The following IL1RAPL2 variants were observed in gnomAD, a reference collection of about 807,000 sequenced individuals.
The protein encoded by IL1RAPL2 is X-linked interleukin-1 receptor accessory protein-like 2.
IL1RAPL2 carries 3 observed loss-of-function variants against 44.1 expected under a neutral mutation model. The observed-to-expected ratio is 0.07, with a 90% CI of 0.03 to 0.18. IL1RAPL2 has a LOEUF of 0.18. Among genes scored for constraint, IL1RAPL2 ranks in the 10% least tolerant of loss-of-function variants. The probability of loss-of-function intolerance (pLI) is 1.00; values close to 1 mark genes in which losing one functional copy is unlikely to be tolerated. For missense variants in IL1RAPL2, 391 were observed against 496.4 expected (o/e 0.79, Z 2.02); for synonymous variants, 181 against 178.8 (o/e 1.01, Z -0.10).
At chrX:104,940,928 C>T (rs1295410289) in intron 2 of IL1RAPL2, among the ~76,000 whole-genome samples, 1 of 97,626 alleles carries the variant, frequency 1.0e-5, no homozygotes, top group African/African-American at 3.8e-5. Flanking sequence ...ACCCTGTGTC[C>T]AAGTGTTCTC....
At position 104,800,885 on chromosome X, in the gene IL1RAPL2, G is replaced by C. The variant is rs527259078; in HGVS notation, c.82+141890G>C. Among the ~76,000 whole-genome samples the C allele has an allele frequency of 2.8e-4, 31 of 112,337 alleles. No homozygotes were observed. In the Middle Eastern group the frequency reaches 0.019, roughly 67 times the overall value. ...TGTGGAGGGCTGGCTGCTGTAGTGG[G>C]GGCAATCTGAGAAACCCAGGGCCAG... On this transcript the variant is annotated intron_variant, in intron 2 of 10. Transcript: ENST00000372582.
chrX:105,442,341 G>C (rs2035926344), intron 5 of IL1RAPL2, among the ~76,000 whole-genome samples: 2 of 111,229 alleles, frequency 1.8e-5, no homozygotes, highest in African/African-American at 6.5e-5. Context: ...TGGGATTACA[G>C]GTGTGAGCCA....
chrX:105,146,670 CT>C (rs774400726), intron 2 of IL1RAPL2, among the ~76,000 whole-genome samples: 18 of 111,293 alleles, frequency 1.6e-4, no homozygotes, highest in Non-Finnish European at 3.2e-4. Context: ...ATCTGTCCCC[CT>C]GGTGCAGCAA....
chrX:105,128,181 T>G (rs1307233757), intron 2 of IL1RAPL2, among the ~76,000 whole-genome samples: 1 of 110,742 alleles, frequency 9.0e-6, no homozygotes, highest in Non-Finnish European at 1.9e-5. Context: ...CTGGGCTTCT[T>G]CCTGCCAGGT....
rs968515594 is a variant in IL1RAPL2 at position 105,733,413 on chromosome X, T to A, written c.903-7133T>A. The stretch of plus-strand genomic sequence containing the variant: ...CCTTGATTTGTAGTTTGGTGTCTGT[T>A]AATAATTTTAGAAAATTTTCCAAGC... On this transcript the variant is annotated intron_variant, in intron 7 of 10. Transcript: ENST00000372582. 8.1e-5 allele frequency among the ~76,000 whole-genome samples: 9 copies of A among 111,444 alleles called. No homozygotes were observed. In the Admixed American group the frequency reaches 8.6e-4, roughly 11 times the overall value.
At chrX:105,490,979 C>T (rs1195934537) in intron 6 of IL1RAPL2, among the ~76,000 whole-genome samples, 2 of 112,067 alleles carry the variant, frequency 1.8e-5, no homozygotes, top group East Asian at 5.6e-4. Context: ...CTAGATTTAT[C>T]TGAAAATAAT....
chrX:105,324,958 T>C (rs991927388), intron 5 of IL1RAPL2, among the ~76,000 whole-genome samples: 1 of 112,130 alleles, frequency 8.9e-6, no homozygotes, highest in Admixed American at 9.5e-5. Flanking sequence ...ATAAGTAAAT[T>C]ATGGGAAAAT....
Position 105,248,876 on chromosome X carries a change from C to A in IL1RAPL2, c.543+14872C>A, listed in dbSNP as rs183955198. 4.5e-5 allele frequency among the ~76,000 whole-genome samples: 5 copies of A among 111,288 alleles called. No homozygotes were observed. The East Asian group carries it at 1.4e-3, about 32-fold the overall frequency. ...TACTGAGGATTCGAAGAAAAGGGAA[C>A]CCTTGTACACTGTTGGTAGGAATGT... On this transcript the variant is annotated intron_variant, in intron 4 of 10. Coordinates refer to ENST00000372582, the MANE Select transcript of IL1RAPL2 (RefSeq NM_017416.2).
chrX:105,377,835 C>G (rs922077716), intron 5 of IL1RAPL2, among the ~76,000 whole-genome samples: 15 of 111,455 alleles, frequency 1.3e-4, no homozygotes, highest in African/African-American at 3.9e-4. Context: ...TGAAGAATAC[C>G]ACACTTGGAA....
intron 2 of IL1RAPL2, among the ~76,000 whole-genome samples, chrX:104,839,601 TA>T (rs1307862627): frequency 8.9e-6 from 1 of 112,163 alleles, no homozygotes; most frequent in South Asian, 3.7e-4. Context: ...GCTGGCCTCA[TA>T]AAATGAGTTA....
chrX:104,919,993 G>T (rs1056002173), intron 2 of IL1RAPL2, among the ~76,000 whole-genome samples: 2 of 111,056 alleles, frequency 1.8e-5, no homozygotes, highest in Non-Finnish European at 3.8e-5. Context: ...GGCATAAGAG[G>T]CCATTGGACT....
chrX:104,988,035 G>C (rs748319161), intron 2 of IL1RAPL2, among the ~76,000 whole-genome samples: 2 of 112,230 alleles, frequency 1.8e-5, no homozygotes, highest in East Asian at 5.6e-4. Context: ...TGCTCTTAAA[G>C]GTTTGGGAAA....
intron 5 of IL1RAPL2, among the ~76,000 whole-genome samples, chrX:105,445,422 C>A (rs1355766718): frequency 9.0e-6 from 1 of 110,765 alleles, no homozygotes. Context: ...TTTATTATTT[C>A]TTTTCCTCTA....
At chrX:104,601,395 C>T (rs773909220) in intron 1 of IL1RAPL2, among the ~76,000 whole-genome samples, 27 of 109,454 alleles carry the variant, frequency 2.5e-4, no homozygotes, top group African/African-American at 4.7e-4. Context: ...TTTGTCCTTG[C>T]GATAGTTTGC....
At chrX:104,904,282 G>A (rs989754679) in intron 2 of IL1RAPL2, among the ~76,000 whole-genome samples, 6 of 109,220 alleles carry the variant, frequency 5.5e-5, no homozygotes, top group African/African-American at 2.0e-4. Context: ...TACATATGTA[G>A]TTTTCTTTTT....
chrX:104,694,647 TA>T (rs1029171755), intron 2 of IL1RAPL2, among the ~76,000 whole-genome samples: 38 of 111,388 alleles, frequency 3.4e-4, no homozygotes, highest in South Asian at 7.8e-4. Flanking sequence ...TCTTTGATTC[TA>T]AAAGTAGGGA....
chrX:104,891,728 T>C (rs1923446999), intron 2 of IL1RAPL2, among the ~76,000 whole-genome samples: 1 of 111,961 alleles, frequency 8.9e-6, no homozygotes, highest in Non-Finnish European at 1.9e-5. Context: ...TATACAATCA[T>C]ATCATCTGCA....
chrX:105,304,326 G>A (rs921079964), intron 5 of IL1RAPL2, among the ~76,000 whole-genome samples: 2 of 112,736 alleles, frequency 1.8e-5, no homozygotes, highest in Admixed American at 1.9e-4. Flanking sequence ...CTTGGAGTAA[G>A]CCAAAGTGTG....
At position 105,608,124 on chromosome X, in the gene IL1RAPL2, T is replaced by C. The variant is rs1056101894; in HGVS notation, c.773-109243T>C. 5.4e-5 allele frequency among the ~76,000 whole-genome samples: 6 copies of C among 111,313 alleles called. No homozygotes were observed. The Admixed American group carries it at 5.7e-4, about 11-fold the overall frequency. Reference sequence around the variant, plus strand: ...ATTCATGGGTTCAGGAGGAGAAACCTCTTATATGTTTATTTAATTTATATT... The same window carrying C: ...ATTCATGGGTTCAGGAGGAGAAACCCCTTATATGTTTATTTAATTTATATT... On this transcript the variant is annotated intron_variant, in intron 6 of 10. Transcript: ENST00000372582.
Sources: allele counts gnomAD v4.1 joint callset (sites outside exome capture counted in the v4.1 genomes callset), GRCh38; gene constraint gnomAD v4.1.1; transcripts MANE v1.5; gene names NCBI Gene and HGNC (gene_info 2026-07-23, HGNC 2026-07-21).